ZBTB16: variants seen among roughly 807,000 people sequenced by gnomAD.
The protein encoded by ZBTB16 is zinc finger and BTB domain-containing protein 16.
In ZBTB16, 8 loss-of-function variants were observed where a neutral mutation model predicts 56.8. That is an observed-to-expected ratio of 0.14 (90% CI 0.08 to 0.25). ZBTB16 has a LOEUF of 0.25. Ranked by LOEUF, ZBTB16 falls within the 10% of genes least tolerant of loss-of-function variation. The pLI, the probability that ZBTB16 is intolerant of heterozygous loss-of-function variation, is 1.00. For synonymous variants in ZBTB16, 363 were observed against 368.5 expected (o/e 0.98, Z 0.17); for missense variants, 625 against 903.0 (o/e 0.69, Z 3.95).
At chr11:114,086,929 G>A (rs922482840) in intron 2 of ZBTB16, among the ~76,000 whole-genome samples, 16 of 152,146 alleles carry the variant, frequency 1.1e-4, no homozygotes, top group Non-Finnish European at 2.1e-4. Context: ...CCAGACTCCA[G>A]TATTGGCTCC....
chr11:114,095,245 C>CTTTTCTTTTCTTTT lies in ZBTB16; in HGVS notation c.1268+30681_1268+30682insCTTTTCTTTTTTTT, dbSNP rs1555132749. ...TAACCAATTTCTTTTCTTTTCTTTTCTTTTTTTTTTTTTTTTTTTTTTTTT... is the reference window on the plus strand; with the variant it reads ...TAACCAATTTCTTTTCTTTTCTTTTCTTTTCTTTTCTTTTTTTTTTTTTTTTTTTTTTTTTTTTT... On this transcript the variant is annotated intron_variant, in intron 2 of 6. Transcript: ENST00000335953. 7.3e-4 allele frequency among the ~76,000 whole-genome samples: 66 copies of CTTTTCTTTTCTTTT among 90,466 alleles called. 1 individual carries two copies. Among genetic ancestry groups the CTTTTCTTTTCTTTT allele is most frequent in the African/African-American group, 3.9e-3 (63 of 16,146 alleles). 59.3% of individuals were successfully genotyped at this position (90,466 alleles called of 152,430 possible).
At position 114,255,718 on chromosome 11, in the gene ZBTB16, TA is replaced by T. The variant is rs10576984; in HGVS notation, c.*5178del. Among the ~76,000 whole-genome samples the T allele has an allele frequency of 0.55, 78,492 of 143,106 alleles. 21,575 individuals are homozygous for T. Among genetic ancestry groups the T allele is most frequent in the East Asian group, 0.61 (2,999 of 4,948 alleles). 93.9% of individuals were successfully genotyped at this position (143,106 alleles called of 152,430 possible). On this transcript the variant is annotated 3_prime_UTR_variant, in exon 7 of 7. Coordinates refer to ENST00000335953, the MANE Select transcript of ZBTB16 (RefSeq NM_006006.6). Reference sequence around the variant, plus strand: ...TAATTTCAGTGTTTCTGACAAGATTTAAAAAAAAAAAAAAAGGAAAAAAAAA... The same window carrying T: ...TAATTTCAGTGTTTCTGACAAGATTTAAAAAAAAAAAAAAGGAAAAAAAAA...
chr11:114,199,268 C>T (rs1279349237), intron 4 of ZBTB16, among the ~76,000 whole-genome samples: 1 of 149,120 alleles, frequency 6.7e-6, no homozygotes, highest in Admixed American at 6.6e-5. Flanking sequence ...ACATGGATGC[C>T]GCTGGGCCCA....
At chr11:114,100,017 A>C (rs370689388) in intron 2 of ZBTB16, among the ~76,000 whole-genome samples, 3 of 152,296 alleles carry the variant, frequency 2.0e-5, no homozygotes, top group African/African-American at 7.2e-5. Flanking sequence ...TTTAAAAAGA[A>C]ACATGAGCTC....
At chr11:114,105,207 C>T (rs927087930) in intron 2 of ZBTB16, among the ~76,000 whole-genome samples, 1 of 151,804 alleles carries the variant, frequency 6.6e-6, no homozygotes, top group African/African-American at 2.4e-5. Flanking sequence ...GCTCGACAGC[C>T]CAAAACGCTG....
chr11:114,102,737 A>C (rs1362369189), intron 2 of ZBTB16, among the ~76,000 whole-genome samples: 1 of 152,150 alleles, frequency 6.6e-6, no homozygotes, highest in African/African-American at 2.4e-5. Context: ...TTAATTATTT[A>C]TTGGGTGCCT....
intron 5 of ZBTB16, 148 bp downstream of exon 5, chr11:114,242,485 C>A: frequency 8.4e-7 from 1 of 1,190,630 alleles, no homozygotes; most frequent in Non-Finnish European, 1.2e-6. Context: ...GCCCGTCGTG[C>A]AGGTAAATGT....
chr11:114,192,797 A>T (rs984438299), intron 4 of ZBTB16, among the ~76,000 whole-genome samples: 3 of 152,194 alleles, frequency 2.0e-5, no homozygotes, highest in African/African-American at 2.4e-5. Context: ...ACCGCATGTA[A>T]CTGAGAATCC....
At chr11:114,080,912 C>T (rs777317410) in intron 2 of ZBTB16, among the ~76,000 whole-genome samples, 3 of 152,236 alleles carry the variant, frequency 2.0e-5, no homozygotes, top group Non-Finnish European at 4.4e-5. Context: ...ACCTGCTTTG[C>T]AGGCGTGGGC....
intron 2 of ZBTB16, among the ~76,000 whole-genome samples, chr11:114,127,070 C>G (rs1941528105): frequency 6.6e-6 from 1 of 152,202 alleles, no homozygotes; most frequent in Non-Finnish European, 1.5e-5. Flanking sequence ...TTAGCACTCC[C>G]TGGCTCTTGC....
intron 3 of ZBTB16, among the ~76,000 whole-genome samples, chr11:114,158,223 G>A (rs1354458771): frequency 1.3e-5 from 2 of 152,100 alleles, no homozygotes. Context: ...GTGTGGTGCT[G>A]GGCACTTCTG....
At chr11:114,236,528 G>A (rs556099669) in intron 4 of ZBTB16, among the ~76,000 whole-genome samples, 2 of 152,270 alleles carry the variant, frequency 1.3e-5, no homozygotes, top group East Asian at 1.9e-4. Context: ...AGACAGACAC[G>A]GGGGGCCTCA....
intron 2 of ZBTB16, among the ~76,000 whole-genome samples, chr11:114,106,213 C>A (rs1404263139): frequency 6.6e-6 from 1 of 152,086 alleles, no homozygotes; most frequent in Non-Finnish European, 1.5e-5. Flanking sequence ...AGCCGCAGGC[C>A]TTTCTGAAGT....
Position 114,059,950 on chromosome 11 carries a change from G to T in ZBTB16, c.-91+68G>T. On this transcript the variant is annotated intron_variant, in intron 1 of 6. Transcript: ENST00000335953. The surrounding 1 kb of genome is among the most constrained non-coding windows in gnomAD (Gnocchi z 5.3). Reference sequence around the variant, plus strand: ...CGCGCGCCGGGGCTTCCCGGGGCTGGAGAGGTCTGGGGGGCGCGCGCTCGC... The same window carrying T: ...CGCGCGCCGGGGCTTCCCGGGGCTGTAGAGGTCTGGGGGGCGCGCGCTCGC... 1 of 395,538 alleles carries T rather than the reference G, an allele frequency of 2.5e-6. No homozygotes were observed. Among genetic ancestry groups the T allele is most frequent in the Non-Finnish European group, 4.5e-6 (1 of 224,504 alleles). 24.5% of individuals were successfully genotyped at this position (395,538 alleles called of 1,614,324 possible).
At chr11:114,246,945 C>A in intron 5 of ZBTB16, 1 of 542,572 alleles carries the variant, frequency 1.8e-6, no homozygotes, top group Non-Finnish European at 3.3e-6. Context: ...CATCCCTGAA[C>A]CAAATGGGCT....
chr11:114,156,543 G>A (rs754268555), intron 3 of ZBTB16, 109 bp downstream of exon 3: 27 of 1,030,450 alleles, frequency 2.6e-5, no homozygotes, highest in Non-Finnish European at 3.9e-5. Flanking sequence ...CTGCCCGCTG[G>A]GGCCCTGGTC....
At chr11:114,235,630 CTTT>C (rs1944552348) in intron 4 of ZBTB16, among the ~76,000 whole-genome samples, 1 of 13,786 alleles carries the variant, frequency 7.3e-5, no homozygotes, top group African/African-American at 1.4e-4. Flanking sequence ...CTCTCCCTTC[CTTT>C]CTTTCTTTCT....
chr11:114,170,320 A>C (rs978400862), intron 3 of ZBTB16, among the ~76,000 whole-genome samples: 3 of 152,226 alleles, frequency 2.0e-5, no homozygotes, highest in African/African-American at 7.2e-5. Flanking sequence ...CTGGAGGGCC[A>C]ATGGAGGAAG....
intron 2 of ZBTB16, among the ~76,000 whole-genome samples, chr11:114,151,405 G>A (rs1207984128): frequency 6.6e-6 from 1 of 152,160 alleles, no homozygotes; most frequent in African/African-American, 2.4e-5. Flanking sequence ...CTTACAGGAT[G>A]GATTTCCCAC....
Sources: allele counts gnomAD v4.1 joint callset (sites outside exome capture counted in the v4.1 genomes callset), GRCh38; gene constraint gnomAD v4.1.1; non-coding constraint Gnocchi (gnomAD v3.1); transcripts MANE v1.5; gene names NCBI Gene and HGNC (gene_info 2026-07-23, HGNC 2026-07-21).